The following SMYD3 variants were observed in gnomAD, a reference collection of about 807,000 sequenced individuals.
The protein encoded by SMYD3 is histone-lysine N-methyltransferase SMYD3.
In SMYD3, 36 loss-of-function variants were observed where a neutral mutation model predicts 57.7. The observed-to-expected ratio is 0.62, with a 90% CI of 0.48 to 0.82. SMYD3 has a LOEUF of 0.82. Ranked by LOEUF, SMYD3 falls within the 40% of genes least tolerant of loss-of-function variation. The pLI, the probability that SMYD3 is intolerant of heterozygous loss-of-function variation, is 0.00. For missense variants in SMYD3, 515 were observed against 538.8 expected (o/e 0.96, Z 0.44); for synonymous variants, 211 against 195.0 (o/e 1.08, Z -0.68).
intron 7 of SMYD3, among the ~76,000 whole-genome samples, chr1:245,916,478 C>T (rs991849868): frequency 2.6e-5 from 4 of 152,202 alleles, no homozygotes; most frequent in African/African-American, 9.7e-5. Context: ...CCTGTTCCAT[C>T]TCGGCTAGAG....
chr1:246,074,365 TAAAA>T (rs60088316), intron 5 of SMYD3, among the ~76,000 whole-genome samples: 4 of 140,566 alleles, frequency 2.8e-5, no homozygotes, highest in Non-Finnish European at 6.3e-5. Flanking sequence ...CAAAAAAAAT[TAAAA>T]AAAAAAAACA....
chr1:246,357,427 G>A (rs966479551), intron 1 of SMYD3, among the ~76,000 whole-genome samples: 1 of 152,170 alleles, frequency 6.6e-6, no homozygotes, highest in Non-Finnish European at 1.5e-5. Flanking sequence ...AAAAAGGGGA[G>A]GCATGGATAA....
chr1:245,848,638 C>CTGGGCTCAAGTTA (rs1335807247), intron 10 of SMYD3, among the ~76,000 whole-genome samples: 2 of 152,104 alleles, frequency 1.3e-5, no homozygotes, highest in African/African-American at 2.4e-5. Context: ...TCTTGAACTC[C>CTGGGCTCAAGTTA]TGGGCTCAAG....
intron 5 of SMYD3, among the ~76,000 whole-genome samples, chr1:246,247,503 C>CATAT (rs150218563): frequency 0.15 from 21,707 of 143,920 alleles, 2,187 homozygotes; most frequent in East Asian, 0.35. Context: ...ACATGGGACT[C>CATAT]ATATATATAT....
intron 5 of SMYD3, among the ~76,000 whole-genome samples, chr1:246,311,646 TACACACACGCGCACGCGCGCACACAC>T (rs2065081525): frequency 1.3e-5 from 2 of 152,302 alleles, no homozygotes; most frequent in South Asian, 4.1e-4. Context: ...GTGACACGCA[TACACACACGCGCACGCGCGCACACAC>T]ACGCACACAC....
Position 246,365,492 on chromosome 1 carries a change from C to G in SMYD3, c.165-10398G>C, listed in dbSNP as rs4654107. 9.3e-3 allele frequency among the ~76,000 whole-genome samples: 171 copies of G among 18,302 alleles called. 1 individual carries two copies. Among genetic ancestry groups the G allele is most frequent in the Non-Finnish European group, 0.014 (135 of 9,926 alleles). The allele number at this position is 18,302 out of a possible 152,430, so 12.0% of individuals were successfully genotyped here. A position where few individuals can be genotyped will look rare whatever the true frequency, so the allele number is the denominator to read the frequency against. On this transcript the variant is annotated intron_variant, in intron 1 of 11. Transcript: ENST00000490107. Reference sequence around the variant, plus strand: ...CCTGAGCAACAGAGTGAGACCCTGTCTAAAAAAAAAAAAAAAAAAAAAAAA... The same window carrying G: ...CCTGAGCAACAGAGTGAGACCCTGTGTAAAAAAAAAAAAAAAAAAAAAAAA...
At chr1:246,049,593 C>T (rs2060032762) in intron 5 of SMYD3, among the ~76,000 whole-genome samples, 1 of 152,070 alleles carries the variant, frequency 6.6e-6, no homozygotes, top group African/African-American at 2.4e-5. Context: ...GCGTGAGCCA[C>T]CGCGTCCGGC....
At chr1:245,862,081 C>T (rs2051578971) in intron 9 of SMYD3, among the ~76,000 whole-genome samples, 1 of 105,810 alleles carries the variant, frequency 9.5e-6, no homozygotes, top group Non-Finnish European at 2.7e-5. Flanking sequence ...CCTCCTGCTT[C>T]CAGAGTTGAC....
intron 1 of SMYD3, among the ~76,000 whole-genome samples, chr1:246,407,138 C>T (rs1029826495): frequency 1.5e-5 from 2 of 133,674 alleles, no homozygotes; most frequent in Non-Finnish European, 3.1e-5. Context: ...GACAAAGGTG[C>T]TTATATCCCA....
chr1:245,945,267 T>G (rs1449230353), intron 5 of SMYD3, among the ~76,000 whole-genome samples: 1 of 151,972 alleles, frequency 6.6e-6, no homozygotes, highest in African/African-American at 2.4e-5. Context: ...TACAAGGAAC[T>G]TAAACAAATT....
At chr1:246,171,165 T>C (rs1046737907) in intron 5 of SMYD3, among the ~76,000 whole-genome samples, 1 of 152,220 alleles carries the variant, frequency 6.6e-6, no homozygotes, top group Non-Finnish European at 1.5e-5. Flanking sequence ...GTAGAACCAA[T>C]GCTGTCTGTG....
chr1:246,208,988 A>G (rs933529050), intron 5 of SMYD3, among the ~76,000 whole-genome samples: 1 of 152,202 alleles, frequency 6.6e-6, no homozygotes, highest in African/African-American at 2.4e-5. Flanking sequence ...GCTGTTGAGT[A>G]TAGTCTGAAA....
At chr1:246,123,735 C>T (rs1344451740) in intron 5 of SMYD3, among the ~76,000 whole-genome samples, 2 of 152,102 alleles carry the variant, frequency 1.3e-5, no homozygotes, top group African/African-American at 2.4e-5. Context: ...TATTGTTTTA[C>T]ATAAGGCAGT....
chr1:246,133,643 G>A (rs1488155674), intron 5 of SMYD3, among the ~76,000 whole-genome samples: 1 of 151,978 alleles, frequency 6.6e-6, no homozygotes, highest in East Asian at 1.9e-4. Flanking sequence ...CGGAAGCAGG[G>A]GTGTGGCTTT....
At chr1:245,977,402 C>T (rs558035442) in intron 5 of SMYD3, among the ~76,000 whole-genome samples, 9 of 152,110 alleles carry the variant, frequency 5.9e-5, no homozygotes, top group East Asian at 3.9e-4. Flanking sequence ...GGAGGGGCCA[C>T]GCACGGTGGC....
rs990543404 is a variant in SMYD3 at position 245,854,617 on chromosome 1, C to T, written c.1076+3879G>A. Reference sequence around the variant, plus strand: ...TTTCTCTCTCTCTCTCTCTTTTTCCCGCACACTAAGGAGGACCTTTGGCTT... The same window carrying T: ...TTTCTCTCTCTCTCTCTCTTTTTCCTGCACACTAAGGAGGACCTTTGGCTT... On this transcript the variant is annotated intron_variant, in intron 10 of 11. Coordinates refer to ENST00000490107, the MANE Select transcript of SMYD3 (RefSeq NM_001167740.2). Among the ~76,000 whole-genome samples, 6 of 152,058 alleles carry T rather than the reference C, an allele frequency of 3.9e-5. No individual in the cohort carries two copies. The South Asian group carries it at 1.0e-3, about 26-fold the overall frequency.
intron 5 of SMYD3, among the ~76,000 whole-genome samples, chr1:246,041,864 G>A (rs1021380422): frequency 2.0e-5 from 3 of 151,630 alleles, no homozygotes; most frequent in African/African-American, 7.3e-5. Context: ...ATCATAATTT[G>A]TATTCCTAGA....
chr1:246,278,254 A>C (rs1232828674), intron 5 of SMYD3, among the ~76,000 whole-genome samples: 1 of 150,924 alleles, frequency 6.6e-6, no homozygotes, highest in Non-Finnish European at 1.5e-5. Flanking sequence ...AAAAAAAAAA[A>C]GCTGAGAAGA....
chr1:245,790,903 C>G (rs889710485), intron 10 of SMYD3, among the ~76,000 whole-genome samples: 3 of 152,108 alleles, frequency 2.0e-5, no homozygotes, highest in Admixed American at 6.6e-5. Context: ...CCTGAGCAAA[C>G]TGTACTTTTC....
Sources: allele counts gnomAD v4.1 joint callset (sites outside exome capture counted in the v4.1 genomes callset), GRCh38; gene constraint gnomAD v4.1.1; transcripts MANE v1.5; gene names NCBI Gene and HGNC (gene_info 2026-07-23, HGNC 2026-07-21).